Variants in PDE10A observed in about 807,000 individuals in gnomAD.
The protein encoded by PDE10A is cAMP and cAMP-inhibited cGMP 3',5'-cyclic phosphodiesterase 10A.
Under a neutral mutation model 97.7 loss-of-function variants are expected in PDE10A, and 39 were observed. The observed-to-expected ratio is 0.40, with a 90% CI of 0.31 to 0.52. The LOEUF is 0.52. PDE10A is among the 20% of genes least tolerant of loss of function. The pLI is 0.56. For synonymous variants in PDE10A, 371 were observed against 376.8 expected, an observed-to-expected ratio of 0.98 and a Z score of 0.18; for missense variants, 731 against 1,047.8, an observed-to-expected ratio of 0.70 and a Z score of 4.17.
At chr6:165,867,984 T>C (rs978698410) in intron 1 of PDE10A, among the ~76,000 whole-genome samples, 2 of 151,920 alleles carry the variant, frequency 1.3e-5, no homozygotes, top group Admixed American at 6.6e-5. Flanking sequence ...CAAATGAAAA[T>C]GGAAACAGAA....
At chr6:165,379,089 A>G in intron 18 of PDE10A, 105 bp downstream of exon 18, 11 of 646,198 alleles carry the variant, frequency 1.7e-5, no homozygotes, top group Non-Finnish European at 2.9e-5. Context: ...AATTTTTTAC[A>G]TTCCTTCTTT....
At chr6:165,349,696 C>G (rs965141672) in intron 18 of PDE10A, among the ~76,000 whole-genome samples, 5 of 152,152 alleles carry the variant, frequency 3.3e-5, no homozygotes, top group African/African-American at 1.2e-4. Flanking sequence ...CCCAGAGGCC[C>G]AAGGGGCAGA....
chr6:165,516,543 A>T (rs891253686), intron 2 of PDE10A, among the ~76,000 whole-genome samples: 5 of 152,190 alleles, frequency 3.3e-5, no homozygotes, highest in African/African-American at 1.2e-4. Context: ...TTTGCCTAAC[A>T]GAACAAAAGC....
At chr6:165,959,641 G>A (rs890828638) in intron 1 of PDE10A, among the ~76,000 whole-genome samples, 7 of 152,268 alleles carry the variant, frequency 4.6e-5, no homozygotes, top group East Asian at 3.9e-4. Flanking sequence ...AGAAAATAGC[G>A]GGAAGGGAGT....
At chr6:165,781,276 C>T (rs1435550709) in intron 1 of PDE10A, 1 of 146,454 alleles carries the variant, frequency 6.8e-6, no homozygotes, top group East Asian at 2.0e-4. Flanking sequence ...GTGACTTAAA[C>T]CCACCTATTA....
At chr6:165,437,116 A>T (rs1790078021) in intron 5 of PDE10A, among the ~76,000 whole-genome samples, 1 of 152,194 alleles carries the variant, frequency 6.6e-6, no homozygotes, top group South Asian at 2.1e-4. Flanking sequence ...GTCATAATAA[A>T]AACAGAAGGT....
intron 1 of PDE10A, among the ~76,000 whole-genome samples, chr6:165,697,396 A>C (rs1265936906): frequency 2.0e-5 from 3 of 152,232 alleles, no homozygotes; most frequent in Non-Finnish European, 4.4e-5. Context: ...CGTCTAGCAA[A>C]GCTGTAATAA....
At chr6:165,874,395 G>T (rs528462290) in intron 1 of PDE10A, among the ~76,000 whole-genome samples, 1 of 152,190 alleles carries the variant, frequency 6.6e-6, no homozygotes, top group Non-Finnish European at 1.5e-5. Context: ...TTTAGCCAGA[G>T]TAAGCAGGGT....
intron 5 of PDE10A, among the ~76,000 whole-genome samples, chr6:165,445,382 A>T (rs1489440823): frequency 6.6e-6 from 1 of 152,214 alleles, no homozygotes; most frequent in Non-Finnish European, 1.5e-5. Context: ...AGGTAACCAG[A>T]TCCCAAAGCT....
At chr6:165,475,454 A>G (rs1026328399) in intron 3 of PDE10A, among the ~76,000 whole-genome samples, 1 of 152,226 alleles carries the variant, frequency 6.6e-6, no homozygotes, top group Admixed American at 6.5e-5. Context: ...ATTAGTGAAG[A>G]AACGAGGTGA....
At chr6:165,790,330 T>C (rs1043451946) in intron 1 of PDE10A, among the ~76,000 whole-genome samples, 9 of 152,116 alleles carry the variant, frequency 5.9e-5, no homozygotes, top group African/African-American at 2.2e-4. Context: ...AGAAAGGAAA[T>C]ACATATCAGA....
chr6:165,456,058 T>A (rs980825498), intron 3 of PDE10A, among the ~76,000 whole-genome samples: 5 of 152,216 alleles, frequency 3.3e-5, no homozygotes, highest in Non-Finnish European at 7.3e-5. Context: ...CAGATCCTAT[T>A]CGAGCTATTT....
At chr6:165,961,966 T>C (rs1784375616) in intron 1 of PDE10A, among the ~76,000 whole-genome samples, 1 of 152,232 alleles carries the variant, frequency 6.6e-6, no homozygotes, top group Admixed American at 6.5e-5. Context: ...TGCCAATCCC[T>C]ACCTAGGCAC....
At chr6:165,351,231 C>A (rs981631297) in intron 18 of PDE10A, among the ~76,000 whole-genome samples, 1 of 152,064 alleles carries the variant, frequency 6.6e-6, no homozygotes, top group African/African-American at 2.4e-5. Flanking sequence ...TACCTAGTGT[C>A]TTTAATCACA....
At chr6:165,746,048 A>G (rs374866633) in intron 1 of PDE10A, among the ~76,000 whole-genome samples, 14 of 152,304 alleles carry the variant, frequency 9.2e-5, no homozygotes, top group African/African-American at 3.4e-4. Context: ...TGATGCTGAC[A>G]TACGTGAATG....
At chr6:165,358,637 AT>A (rs1332341118) in intron 18 of PDE10A, among the ~76,000 whole-genome samples, 2 of 151,786 alleles carry the variant, frequency 1.3e-5, no homozygotes, top group Non-Finnish European at 2.9e-5. Context: ...TGGTCTGATC[AT>A]TTCTGGCTAA....
In PDE10A at chr6:165,958,713, AG is replaced by A. The variant is rs1294987839; in HGVS notation, c.-615+28815del. On this transcript the variant is annotated intron_variant, in intron 1 of 19. Transcript: ENST00000366882. ...AAGAAAGAGAAAGAAAGAAAGAAAG[AG>A]AGAAGAAAGAAAGAAAGAAAGAAAG... Among the ~76,000 whole-genome samples the A allele has an allele frequency of 2.0e-3, 129 of 64,372 alleles. 1 individual carries two copies. The highest frequency in any genetic ancestry group is 9.6e-3 in the Middle Eastern group (1 of 104). The allele number at this position is 64,372 out of a possible 152,430, so 42.2% of individuals were successfully genotyped here.
intron 1 of PDE10A, among the ~76,000 whole-genome samples, chr6:165,621,662 A>G (rs1396766367): frequency 6.6e-6 from 1 of 152,086 alleles, no homozygotes; most frequent in Non-Finnish European, 1.5e-5. Flanking sequence ...AGGCTGAGGC[A>G]CCAGAATCGC....
chr6:165,739,284 A>G (rs891474074), intron 1 of PDE10A, among the ~76,000 whole-genome samples: 23 of 152,228 alleles, frequency 1.5e-4, no homozygotes, highest in African/African-American at 4.3e-4. Flanking sequence ...TGGCATAAAA[A>G]CAGGCATATA....
Sources: gnomAD v4.1 joint callset for allele counts (sites outside exome capture counted in the v4.1 genomes callset) on GRCh38, gnomAD v4.1.1 for gene constraint, MANE v1.5 for transcripts, NCBI Gene and HGNC (gene_info 2026-07-23, HGNC 2026-07-21) for gene names.